The following NTM variants were observed in gnomAD, a reference collection of about 807,000 sequenced individuals.
NTM encodes neurotrimin, also known as IgLON family member 2.
In NTM, 13 loss-of-function variants were observed where a neutral mutation model predicts 42.1. The observed-to-expected ratio is 0.31, with a 90% confidence interval of 0.20 to 0.49. The LOEUF is 0.49. NTM is among the 20% of genes least tolerant of loss of function. The probability of loss-of-function intolerance (pLI) is 0.99; values close to 1 mark genes in which losing one functional copy is unlikely to be tolerated. For synonymous variants in NTM, 187 were observed against 179.2 expected (o/e 1.04, Z -0.35); for missense variants, 373 against 452.8 (o/e 0.82, Z 1.60).
chr11:132,197,968 T>C (rs2080538173), intron 3 of NTM, among the ~76,000 whole-genome samples: 2 of 152,206 alleles, frequency 1.3e-5, no homozygotes, highest in East Asian at 3.9e-4. Flanking sequence ...TACGTGTGCA[T>C]GTGTCTTTAT....
At position 131,621,860 on chromosome 11, in the gene NTM, T is replaced by C. The variant is rs867907008; in HGVS notation, c.82+250972T>C. On this transcript the variant is annotated intron_variant, in intron 1 of 8. Coordinates refer to ENST00000683400, the MANE Select transcript of NTM (RefSeq NM_001352005.2). ...AAAAAAAAAGGAAGCTACAGACAAGTGGGGAAAGAATTATTTCTATGTGGA... is the reference window on the plus strand; with the variant it reads ...AAAAAAAAAGGAAGCTACAGACAAGCGGGGAAAGAATTATTTCTATGTGGA... Among the ~76,000 whole-genome samples, 61 of 138,058 alleles carry C rather than the reference T, an allele frequency of 4.4e-4. 1 individual carries two copies. The highest frequency in any genetic ancestry group is 9.4e-4 in the South Asian group (4 of 4,276). 90.6% of individuals were successfully genotyped at this position (138,058 alleles called of 152,430 possible). A position where few individuals can be genotyped will look rare whatever the true frequency, so the allele number is the denominator to read the frequency against.
chr11:131,862,283 C>G (rs542448566), intron 1 of NTM, among the ~76,000 whole-genome samples: 8 of 152,112 alleles, frequency 5.3e-5, no homozygotes, highest in African/African-American at 1.9e-4. Flanking sequence ...CAAGTTTGAG[C>G]CCGACTTAAA....
At chr11:132,189,767 A>G (rs2079006088) in intron 3 of NTM, among the ~76,000 whole-genome samples, 1 of 152,190 alleles carries the variant, frequency 6.6e-6, no homozygotes, top group Non-Finnish European at 1.5e-5. Context: ...TTTGCCAGAA[A>G]TATGTCTTTT....
At chr11:131,440,404 C>A (rs1229446868) in intron 1 of NTM, among the ~76,000 whole-genome samples, 2 of 152,098 alleles carry the variant, frequency 1.3e-5, no homozygotes, top group East Asian at 3.9e-4. Flanking sequence ...TTTCTGTATT[C>A]TTGTGGGTGG....
chr11:132,160,836 T>G (rs895054282), intron 3 of NTM, among the ~76,000 whole-genome samples: 1 of 151,902 alleles, frequency 6.6e-6, no homozygotes, highest in Non-Finnish European at 1.5e-5. Flanking sequence ...GAGGGCAGGG[T>G]CCCTGTAGAG....
intron 1 of NTM, among the ~76,000 whole-genome samples, chr11:131,549,042 A>G (rs932920113): frequency 6.6e-6 from 1 of 152,194 alleles, no homozygotes; most frequent in Non-Finnish European, 1.5e-5. Context: ...GAATGAATGA[A>G]TGAACGAACT....
chr11:132,110,761 A>G (rs1330389803), intron 2 of NTM, among the ~76,000 whole-genome samples: 2 of 152,094 alleles, frequency 1.3e-5, no homozygotes, highest in African/African-American at 4.8e-5. Flanking sequence ...TAGGCCAAGC[A>G]TGGTGGCTGA....
chr11:131,559,427 TC>T (rs1249414504), intron 1 of NTM, among the ~76,000 whole-genome samples: 7 of 152,220 alleles, frequency 4.6e-5, no homozygotes. Context: ...GCTTCTCCAC[TC>T]CTTTTTTCCC....
At chr11:131,546,272 C>A (rs2053932552) in intron 1 of NTM, among the ~76,000 whole-genome samples, 2 of 152,022 alleles carry the variant, frequency 1.3e-5, no homozygotes, top group South Asian at 4.1e-4. Context: ...ACAAACTAAA[C>A]CCGGTTCTTC....
At chr11:131,484,986 G>GT (rs1412074757) in intron 1 of NTM, among the ~76,000 whole-genome samples, 1 of 152,204 alleles carries the variant, frequency 6.6e-6, no homozygotes, top group Admixed American at 6.5e-5. Context: ...GAAAAATGGA[G>GT]TGGGAGGAGG....
intron 1 of NTM, among the ~76,000 whole-genome samples, chr11:131,872,952 C>T (rs1050947520): frequency 6.6e-6 from 1 of 152,140 alleles, no homozygotes; most frequent in Admixed American, 6.5e-5. Context: ...CTCATTTACA[C>T]TCCCACCAAC....
intron 5 of NTM, among the ~76,000 whole-genome samples, chr11:132,309,857 A>C (rs1214230419): frequency 6.6e-6 from 1 of 152,102 alleles, no homozygotes; most frequent in Non-Finnish European, 1.5e-5. Flanking sequence ...GGAGTTGGAG[A>C]CCAGCCTGGC....
chr11:131,500,014 G>C (rs2046535497), intron 1 of NTM, among the ~76,000 whole-genome samples: 1 of 152,194 alleles, frequency 6.6e-6, no homozygotes, highest in African/African-American at 2.4e-5. Context: ...GCAAATGCTG[G>C]GTGCAGTGTG....
chr11:132,221,915 C>A (rs937264987), intron 4 of NTM, among the ~76,000 whole-genome samples: 8 of 152,318 alleles, frequency 5.3e-5, no homozygotes, highest in African/African-American at 1.4e-4. Flanking sequence ...ATATTGATTT[C>A]CTGCTTGATG....
At chr11:132,005,656 T>C (rs2070600542) in intron 2 of NTM, among the ~76,000 whole-genome samples, 1 of 152,212 alleles carries the variant, frequency 6.6e-6, no homozygotes, top group African/African-American at 2.4e-5. Context: ...CATTTTCATA[T>C]CCTACCATCC....
At chr11:131,935,425 T>C (rs868847387) in intron 2 of NTM, among the ~76,000 whole-genome samples, 4 of 152,182 alleles carry the variant, frequency 2.6e-5, no homozygotes, top group South Asian at 2.1e-4. Flanking sequence ...TCGGGATTGA[T>C]TTCTTGTGTT....
intron 1 of NTM, among the ~76,000 whole-genome samples, chr11:131,556,123 C>A (rs941848880): frequency 2.0e-5 from 3 of 151,952 alleles, no homozygotes; most frequent in African/African-American, 7.3e-5. Context: ...GACAGACAGA[C>A]AGAAGATTTG....
chr11:132,035,226 T>C (rs1014450717), intron 2 of NTM, among the ~76,000 whole-genome samples: 3 of 152,224 alleles, frequency 2.0e-5, no homozygotes, highest in African/African-American at 7.2e-5. Flanking sequence ...GTCCCCTCTT[T>C]TCTCTACTTC....
rs143338667 is a variant in NTM at position 132,175,428 on chromosome 11, G to A, written c.400+28914G>A. Among the ~76,000 whole-genome samples, 12 of 152,182 alleles carry A rather than the reference G, an allele frequency of 7.9e-5. No individual in the cohort carries two copies. The East Asian group carries it at 2.3e-3, about 29-fold the overall frequency. ...AACCCAAACAAGTTTGTGTAAATTT[G>A]GAATATACTAGAACCTAGTCTATAT... On this transcript the variant is annotated intron_variant, in intron 3 of 8. Transcript: ENST00000683400.
Sources: allele counts gnomAD v4.1 joint callset (sites outside exome capture counted in the v4.1 genomes callset), GRCh38; gene constraint gnomAD v4.1.1; transcripts MANE v1.5; gene names NCBI Gene and HGNC (gene_info 2026-07-23, HGNC 2026-07-21).